ANKRD10: variants seen among roughly 807,000 people sequenced by gnomAD.
ANKRD10 encodes the protein ankyrin repeat domain-containing protein 10.
ANKRD10 carries 14 observed loss-of-function variants against 27.0 expected under a neutral mutation model. The ratio of observed to expected loss-of-function variants is 0.52; its 90% CI spans 0.34 to 0.81. The LOEUF is 0.81. Among genes scored for constraint, ANKRD10 ranks in the 40% least tolerant of loss-of-function variants. The probability of loss-of-function intolerance (pLI) is 0.01; values close to 1 mark genes in which losing one functional copy is unlikely to be tolerated. For synonymous variants in ANKRD10, 250 were observed against 224.5 expected, an observed-to-expected ratio of 1.11 and a Z score of -1.01; for missense variants, 493 against 544.0, an observed-to-expected ratio of 0.91 and a Z score of 0.93.
In ANKRD10 at chr13:110,879,649, G is replaced by A. The variant is rs1326585224; in HGVS notation, c.1251C>T (p.His417=). The part of the protein sequence containing the change: ...DSAVLGTMHL[H]HGS ...CAGGTCAGCGTCTCTAGGAGCCGTGGTGCAGGTGCATGGTGCCCAGCACGG... is the reference window on the plus strand; with the variant it reads ...CAGGTCAGCGTCTCTAGGAGCCGTGATGCAGGTGCATGGTGCCCAGCACGG... The change falls in exon 6 of 6, where the codon CAC becomes CAT. Residue 417 remains histidine (H), a synonymous_variant. Transcript: ENST00000267339. 3 of 1,611,514 alleles carry A rather than the reference G, an allele frequency of 1.9e-6. No individual in the cohort carries two copies. In the Admixed American group the frequency reaches 5.0e-5, roughly 27 times the overall value.
At chr13:110,896,257 G>A (rs1178714886) in intron 3 of ANKRD10, among the ~76,000 whole-genome samples, 1 of 152,148 alleles carries the variant, frequency 6.6e-6, no homozygotes, top group African/African-American at 2.4e-5. Context: ...CAGCATTATC[G>A]GAAACAGAAA....
intron 5 of ANKRD10, among the ~76,000 whole-genome samples, chr13:110,880,382 T>G (rs2064791275): frequency 6.6e-6 from 1 of 152,142 alleles, no homozygotes. Flanking sequence ...ACAAATACAC[T>G]GCATGAAAAA....
At chr13:110,910,562 T>C in intron 2 of ANKRD10, 56 bp downstream of exon 2, 2 of 1,602,494 alleles carry the variant, frequency 1.2e-6, no homozygotes, top group South Asian at 1.1e-5. Context: ...CGTGTATAAT[T>C]ATAACTGCAA....
At chr13:110,884,685 T>C (rs993718672) in intron 4 of ANKRD10, among the ~76,000 whole-genome samples, 6 of 152,258 alleles carry the variant, frequency 3.9e-5, no homozygotes, top group Admixed American at 1.3e-4. Context: ...CTGGGCTGCT[T>C]CCCTTTTCCT....
In ANKRD10 at chr13:110,910,713, G is replaced by T; in HGVS notation, c.268C>A (p.Arg90=). ...ATGTGGGCTGGCGTCTGCGCGTACC[G>T]TGTGGTGGAGACGTTGAGTGTGGCT... The part of the protein sequence containing the change: ...AGATLNVSTT[R]YAQTPAHIAA... The change falls in exon 2 of 6, where the codon CGG becomes AGG. Residue 90 remains arginine, a synonymous_variant. Coordinates refer to ENST00000267339, the MANE Select transcript of ANKRD10 (RefSeq NM_017664.4). The T allele has an allele frequency of 1.2e-6, 2 of 1,614,154 alleles. No individual in the cohort carries two copies. The highest frequency in any genetic ancestry group is 1.7e-6 in the Non-Finnish European group (2 of 1,180,018).
intron 3 of ANKRD10, among the ~76,000 whole-genome samples, chr13:110,903,846 A>G (rs984005906): frequency 1.3e-5 from 2 of 152,192 alleles, no homozygotes; most frequent in Non-Finnish European, 2.9e-5. Context: ...CTAACTTTAA[A>G]TAAGTTAATT....
chr13:110,915,069 C>A lies in ANKRD10; in HGVS notation c.-135G>T, dbSNP rs1444911475. On this transcript the variant is annotated 5_prime_UTR_variant, in exon 1 of 6. Coordinates refer to ENST00000267339, the MANE Select transcript of ANKRD10 (RefSeq NM_017664.4). ...CCCACAGGCTGCCGAGCGGAGCGCG[C>A]ACAGAGGGGGCGGGGCGGGGCCTGG... The A allele has an allele frequency of 2.1e-6, 3 of 1,396,056 alleles. No individual in the cohort carries two copies. The highest frequency in any genetic ancestry group is 3.1e-5 in the Admixed American group (1 of 32,084). 86.5% of individuals were successfully genotyped at this position (1,396,056 alleles called of 1,614,324 possible). A position where few individuals can be genotyped will look rare whatever the true frequency, so the allele number is the denominator to read the frequency against.
intron 3 of ANKRD10, among the ~76,000 whole-genome samples, chr13:110,897,722 G>A (rs71440087): frequency 0.04 from 6,119 of 152,244 alleles, 255 homozygotes; most frequent in South Asian, 0.2. Flanking sequence ...CCAGTAGTGG[G>A]ACTGCTGAAT....
chr13:110,912,362 C>T (rs2065741015), intron 1 of ANKRD10, among the ~76,000 whole-genome samples: 1 of 152,208 alleles, frequency 6.6e-6, no homozygotes, highest in Admixed American at 6.5e-5. Context: ...TACACAGATT[C>T]AAAACACCCT....
At chr13:110,896,336 C>G (rs1453043025) in intron 3 of ANKRD10, among the ~76,000 whole-genome samples, 1 of 152,194 alleles carries the variant, frequency 6.6e-6, no homozygotes, top group Non-Finnish European at 1.5e-5. Context: ...TTCCTTGTTA[C>G]CAAGGGCTGA....
intron 4 of ANKRD10, among the ~76,000 whole-genome samples, chr13:110,886,404 C>T (rs1025475935): frequency 6.6e-6 from 1 of 152,218 alleles, no homozygotes; most frequent in African/African-American, 2.4e-5. Context: ...TCCAACAGAA[C>T]CTTAGAATTT....
intron 4 of ANKRD10, among the ~76,000 whole-genome samples, chr13:110,888,920 G>A (rs1034067862): frequency 2.0e-5 from 3 of 152,172 alleles, no homozygotes; most frequent in African/African-American, 7.2e-5. Context: ...TGTCACCACA[G>A]CCTACTTCTG....
intron 1 of ANKRD10, among the ~76,000 whole-genome samples, chr13:110,912,164 A>AT (rs1276056188): frequency 1.3e-5 from 2 of 152,208 alleles, no homozygotes; most frequent in African/African-American, 4.8e-5. Flanking sequence ...TGGACTGCTC[A>AT]TTTTCCCTCA....
intron 3 of ANKRD10, chr13:110,904,952 T>C (rs1358105946): frequency 8.5e-5 from 13 of 152,228 alleles, no homozygotes; most frequent in Admixed American, 7.8e-4. Context: ...TTAGCCTGTA[T>C]GGTTTTGCTG....
chr13:110,892,416 CAAAAAAAAAA>C (rs71127979), intron 4 of ANKRD10, among the ~76,000 whole-genome samples: 2 of 19,554 alleles, frequency 1.0e-4, no homozygotes, highest in South Asian at 7.5e-3. Flanking sequence ...GGTGACAGAG[CAAAAAAAAAA>C]AAAAAAAAAA....
chr13:110,914,613 G>T, intron 1 of ANKRD10, 112 bp downstream of exon 1: 1 of 1,416,470 alleles, frequency 7.1e-7, no homozygotes, highest in Non-Finnish European at 9.3e-7. Flanking sequence ...CGTCGATCCC[G>T]CTTCCGCCCC....
At position 110,893,264 on chromosome 13, in the gene ANKRD10, C is replaced by T; in HGVS notation, c.456-1G>A. 1 of 1,613,552 alleles carries T rather than the reference C, an allele frequency of 6.2e-7. No homozygotes were observed. The highest frequency in any genetic ancestry group is 8.5e-7 in the Non-Finnish European group (1 of 1,179,622). On this transcript the variant is annotated splice_acceptor_variant, in intron 3 of 5. Transcript: ENST00000267339. LOFTEE classifies it high-confidence loss of function. ...TGTCAGGCCACTGGCATTTCTCAGG[C>T]TGTACAACACAAAAACACTGAATTA... is the stretch of plus-strand genomic sequence containing the variant.
chr13:110,894,238 G>A (rs1363343221), intron 3 of ANKRD10: 1 of 1,457,850 alleles, frequency 6.9e-7, no homozygotes, highest in South Asian at 1.1e-5. Context: ...GCTGCAGGTT[G>A]ATAAACAAAC....
intron 1 of ANKRD10, chr13:110,911,509 G>GT (rs1295248787): frequency 6.6e-6 from 1 of 151,798 alleles, no homozygotes; most frequent in Non-Finnish European, 1.5e-5. Flanking sequence ...CCTCATGCCT[G>GT]TAATTCCAGC....
Sources: allele counts gnomAD v4.1 joint callset (sites outside exome capture counted in the v4.1 genomes callset), GRCh38; gene constraint gnomAD v4.1.1; transcripts MANE v1.5; gene names NCBI Gene and HGNC (gene_info 2026-07-23, HGNC 2026-07-21).